GPR37: variants seen among roughly 807,000 people sequenced by gnomAD.
GPR37 encodes prosaposin receptor GPR37.
In GPR37, 20 loss-of-function variants were observed where a neutral mutation model predicts 43.6. The observed-to-expected ratio is 0.46, with a 90% CI of 0.32 to 0.67. The LOEUF (loss-of-function observed/expected upper bound fraction) is 0.67. GPR37 is among the 30% of genes least tolerant of loss of function. The pLI is 0.03. For missense variants in GPR37, 724 were observed against 797.2 expected, an observed-to-expected ratio of 0.91 and a Z score of 1.11; for synonymous variants, 315 against 322.6, an observed-to-expected ratio of 0.98 and a Z score of 0.25.
chr7:124,747,543 G>C (rs1398037325), intron 1 of GPR37, among the ~76,000 whole-genome samples, 200 bp from the exon 2 acceptor site: 1 of 152,124 alleles, frequency 6.6e-6, no homozygotes, highest in African/African-American at 2.4e-5. Context: ...CATAAAAAAA[G>C]AAAACACACT....
intron 1 of GPR37, among the ~76,000 whole-genome samples, chr7:124,763,532 T>C (rs928507147): frequency 2.6e-5 from 4 of 152,030 alleles, no homozygotes; most frequent in African/African-American, 7.3e-5. Context: ...AAAACTCACA[T>C]TGAAGCACTT....
At position 124,764,281 on chromosome 7, in the gene GPR37, A is replaced by G. The variant is rs549773414; in HGVS notation, c.696T>C (p.Pro232=). Reference sequence around the variant, plus strand: ...TGCTGTTTCCCCGGCGGGGACCCCCAGGCTCATGGATTCCTTCACCCAAGG... The same window carrying G: ...TGCTGTTTCCCCGGCGGGGACCCCCGGGCTCATGGATTCCTTCACCCAAGG... ...NGSLGEGIHE[P]GGPRRGNSTN... Residue 232 remains proline (P), a synonymous_variant, in exon 1 of 2, where the codon CCT becomes CCC. Coordinates refer to ENST00000303921, the MANE Select transcript of GPR37 (RefSeq NM_005302.5). This position sits in a 1 kb window ranked among gnomAD's most constrained non-coding sequence, Gnocchi z 5.4. 2 of 1,600,580 alleles carry G rather than the reference A, an allele frequency of 1.2e-6. No homozygotes were observed. Among genetic ancestry groups the G allele is most frequent in the East Asian group, 2.2e-5 (1 of 44,748 alleles).
chr7:124,748,612 T>C (rs1338618945), intron 1 of GPR37, among the ~76,000 whole-genome samples: 1 of 151,894 alleles, frequency 6.6e-6, no homozygotes, highest in African/African-American at 2.4e-5. Context: ...TTTAAAGAAA[T>C]AGGAGATACT....
Position 124,745,410 on chromosome 7 carries a change from C to A in GPR37, c.*1115G>T, listed in dbSNP as rs1319028498. 6.6e-6 allele frequency among the ~76,000 whole-genome samples: 1 copy of A among 152,104 alleles called. No individual in the cohort carries two copies. Among genetic ancestry groups the A allele is most frequent in the African/African-American group, 2.4e-5 (1 of 41,426 alleles). ...TCCAGAAGAGGCAAAAGAGGGGATT[C>A]AAATATTCCCAATGGAGGAGGTTAG... is the stretch of plus-strand genomic sequence containing the variant. On this transcript the variant is annotated 3_prime_UTR_variant, in exon 2 of 2. Coordinates refer to ENST00000303921, the MANE Select transcript of GPR37 (RefSeq NM_005302.5).
intron 1 of GPR37, among the ~76,000 whole-genome samples, chr7:124,754,811 G>A (rs1458031636): frequency 6.6e-6 from 1 of 152,118 alleles, no homozygotes; most frequent in Non-Finnish European, 1.5e-5. Flanking sequence ...AACCAGTCAG[G>A]AAAAGAACAG....
chr7:124,754,233 C>G, intron 1 of GPR37, among the ~76,000 whole-genome samples: 1 of 152,104 alleles, frequency 6.6e-6, no homozygotes, highest in East Asian at 1.9e-4. Flanking sequence ...ACCATAGCCA[C>G]TTTGTGCTAC....
At position 124,744,921 on chromosome 7, in the gene GPR37, T is replaced by C. The variant is rs912335950; in HGVS notation, c.*1604A>G. Reference sequence around the variant, plus strand: ...CAGCCAAAACCTAGCTCAGGTGTCCTCTTGAGAAATTTTCCAAAGACCTAT... The same window carrying C: ...CAGCCAAAACCTAGCTCAGGTGTCCCCTTGAGAAATTTTCCAAAGACCTAT... On this transcript the variant is annotated 3_prime_UTR_variant, in exon 2 of 2. Transcript: ENST00000303921. 2.1e-4 allele frequency: 32 copies of C among 152,216 alleles called. No homozygotes were observed. Among genetic ancestry groups the C allele is most frequent in the Admixed American group, 1.6e-3 (24 of 15,266 alleles). The allele number at this position is 152,216 out of a possible 1,614,324, so 9.4% of individuals were successfully genotyped here. A position where few individuals can be genotyped will look rare whatever the true frequency, so the allele number is the denominator to read the frequency against.
In GPR37 at chr7:124,744,715, T is replaced by C. The variant is rs1370691531; in HGVS notation, c.*1810A>G. The C allele has an allele frequency of 6.6e-6, 1 of 152,204 alleles. No homozygotes were observed. The highest frequency in any genetic ancestry group is 1.5e-5 in the Non-Finnish European group (1 of 68,040). 9.4% of individuals were successfully genotyped at this position (152,204 alleles called of 1,614,324 possible). ...GTTGTCTATGTATTTATTTTATTCC[T>C]TCCCATCCATGTCATCCCTGCCTGA... is the stretch of plus-strand genomic sequence containing the variant. On this transcript the variant is annotated 3_prime_UTR_variant, in exon 2 of 2. Transcript: ENST00000303921.
At position 124,746,566 on chromosome 7, in the gene GPR37, G is replaced by A. The variant is rs1287858829; in HGVS notation, c.1801C>T (p.Arg601Cys). The change falls in exon 2 of 2, where the codon CGT (arginine) becomes TGT (cysteine). Residue 601 changes from arginine to cysteine, a missense_variant. Arg to Cys is a radical substitution (Grantham distance 180). Around this residue, in one of 2 missense-constraint regions of GPR37, gnomAD observed 342 missense variants for 441.8 expected, o/e 0.77. Coordinates refer to ENST00000303921, the MANE Select transcript of GPR37 (RefSeq NM_005302.5). ...LELSPFSTIR[R>C]EMSTFASVGT... ...ACAGAAGCAAAAGTGGACATTTCAC[G>A]GCGTATGGTACTGAAAGGCGAGAGT... 2.5e-6 allele frequency: 4 copies of A among 1,612,062 alleles called. No homozygotes were observed. The highest frequency in any genetic ancestry group is 1.1e-5 in the South Asian group (1 of 90,712).
Position 124,764,618 on chromosome 7 carries a change from C to A in GPR37, c.359G>T (p.Trp120Leu), listed in dbSNP as rs1212399907. 2 of 1,594,682 alleles carry A rather than the reference C, an allele frequency of 1.3e-6. No individual in the cohort carries two copies. Among genetic ancestry groups the A allele is most frequent in the Non-Finnish European group, 1.7e-6 (2 of 1,169,208 alleles). The change falls in exon 1 of 2, where the codon TGG becomes TTG. Residue 120 changes from tryptophan (W) to leucine (L), a missense_variant. Around this residue, in one of 2 missense-constraint regions of GPR37, gnomAD observed 382 missense variants for 355.4 expected, o/e 1.07. Transcript: ENST00000303921. This position sits in a 1 kb window ranked among gnomAD's most constrained non-coding sequence, Gnocchi z 5.4. ...PGPPTRPPGP[W>L]RWKGARGQEP... is the part of the protein sequence containing the mutation. ...CTGACCCCGAGCACCTTTCCACCTC[C>A]AGGGGCCAGGTGGCCTGGTTGGAGG...
At chr7:124,748,913 T>C (rs1367615342) in intron 1 of GPR37, among the ~76,000 whole-genome samples, 1 of 152,116 alleles carries the variant, frequency 6.6e-6, no homozygotes, top group Admixed American at 6.6e-5. Flanking sequence ...TTCATTTACT[T>C]ATAAAATATT....
At position 124,747,248 on chromosome 7, in the gene GPR37, G is replaced by C; in HGVS notation, c.1119C>G (p.Ile373Met). ...TGGCAGTTGTTGAGGAACAGTTTTCGATCATTTCGTAGTACATCTGTACGT... is the reference window on the plus strand; with the variant it reads ...TGGCAGTTGTTGAGGAACAGTTTTCCATCATTTCGTAGTACATCTGTACGT... ...ATNVQMYYEM[I>M]ENCSSTTAKL... The change falls in exon 2 of 2, where the codon ATC (isoleucine) becomes ATG (methionine). Residue 373 changes from isoleucine to methionine, a missense_variant. Physicochemically the swap from Ile to Met is conservative, Grantham distance 10 (BLOSUM62 1). Around this residue, in one of 2 missense-constraint regions of GPR37, gnomAD observed 342 missense variants for 441.8 expected, o/e 0.77. Coordinates refer to ENST00000303921, the MANE Select transcript of GPR37 (RefSeq NM_005302.5). 1 of 1,613,782 alleles carries C rather than the reference G, an allele frequency of 6.2e-7. No homozygotes were observed. The highest frequency in any genetic ancestry group is 2.2e-5 in the East Asian group (1 of 44,852).
At position 124,765,442 on chromosome 7, in the gene GPR37, T is replaced by A. The variant is rs534650824; in HGVS notation, c.-466A>T. On this transcript the variant is annotated 5_prime_UTR_variant, in exon 1 of 2. Coordinates refer to ENST00000303921, the MANE Select transcript of GPR37 (RefSeq NM_005302.5). ...TGATCCAGTTGCAAGCCGAGGTCTC[T>A]AGAGGAAAAGAAAAACAAGTCCCCC... The A allele has an allele frequency of 6.4e-6, 1 of 155,642 alleles. No individual in the cohort carries two copies. The highest frequency in any genetic ancestry group is 6.5e-5 in the Admixed American group (1 of 15,352). 9.6% of individuals were successfully genotyped at this position (155,642 alleles called of 1,614,324 possible).
rs545160464 is a variant in GPR37, at chr7:124,746,499, A to T, written c.*26T>A. ...ACGGGATATGAAAATCAAACAAATA[A>T]ATCTGACCCAACCAAGTACTGTCCT... On this transcript the variant is annotated 3_prime_UTR_variant, in exon 2 of 2. Coordinates refer to ENST00000303921, the MANE Select transcript of GPR37 (RefSeq NM_005302.5). 1.5e-3 allele frequency: 2,193 copies of T among 1,486,850 alleles called. 54 individuals are homozygous for T. In the South Asian group the frequency reaches 0.028, roughly 19 times the overall value. The allele number at this position is 1,486,850 out of a possible 1,614,324, so 92.1% of individuals were successfully genotyped here.
Position 124,763,963 on chromosome 7 carries a change from G to A in GPR37, c.1014C>T (p.Pro338=), listed in dbSNP as rs540473140. The change falls in exon 1 of 2, where the codon CCC becomes CCT. Residue 338 remains proline, a synonymous_variant. Coordinates refer to ENST00000303921, the MANE Select transcript of GPR37 (RefSeq NM_005302.5). ...LLEDFSCKIV[P]YIEVASLGVT... ...CCCTGGAAGGCATTACCTCTATATAGGGCACGATCTTGCAGGAGAAGTCCT... is the reference window on the plus strand; with the variant it reads ...CCCTGGAAGGCATTACCTCTATATAAGGCACGATCTTGCAGGAGAAGTCCT... 1.7e-5 allele frequency: 28 copies of A among 1,613,686 alleles called. No individual in the cohort carries two copies. In the Middle Eastern group the frequency reaches 8.2e-4, roughly 47 times the overall value.
At chr7:124,748,173 C>T (rs1793694543) in intron 1 of GPR37, among the ~76,000 whole-genome samples, 1 of 151,918 alleles carries the variant, frequency 6.6e-6, no homozygotes, top group African/African-American at 2.4e-5. Flanking sequence ...TCCTCAAATG[C>T]TGACATCTTT....
At chr7:124,761,268 A>C (rs766141026) in intron 1 of GPR37, among the ~76,000 whole-genome samples, 1 of 151,750 alleles carries the variant, frequency 6.6e-6, no homozygotes, top group Non-Finnish European at 1.5e-5. Context: ...TGCTGGGGCT[A>C]TTGGTTGACA....
rs767340618 is a variant in GPR37 at position 124,747,130 on chromosome 7, G to A, written c.1237C>T (p.Arg413Ter). ...ATAATGCACCTTTCTGCCGGAGCTC[G>A]GCCACTAAACCCCAAATCCTCCTTG... ...LSKEDLGFSG[R>*]APAERCIIKI... Residue 413 changes from arginine (R) to a stop codon, truncating the protein, a stop_gained, in exon 2 of 2, where the codon CGA (arginine) becomes TGA (stop). Coordinates refer to ENST00000303921, the MANE Select transcript of GPR37 (RefSeq NM_005302.5). LOFTEE classifies it high-confidence loss of function. 6.2e-7 allele frequency: 1 copy of A among 1,613,892 alleles called. No individual in the cohort carries two copies. Among genetic ancestry groups the A allele is most frequent in the Non-Finnish European group, 8.5e-7 (1 of 1,179,898 alleles).
At chr7:124,751,051 T>C (rs1793724725) in intron 1 of GPR37, among the ~76,000 whole-genome samples, 1 of 152,152 alleles carries the variant, frequency 6.6e-6, no homozygotes, top group African/African-American at 2.4e-5. Context: ...AGTTTTCATA[T>C]ACAAATTTCA....
Sources: allele counts gnomAD v4.1 joint callset (sites outside exome capture counted in the v4.1 genomes callset), GRCh38; gene constraint gnomAD v4.1.1; regional missense constraint gnomAD v4.1.1; non-coding constraint Gnocchi (gnomAD v3.1); transcripts MANE v1.5; gene names NCBI Gene and HGNC (gene_info 2026-07-23, HGNC 2026-07-21).